The following AGAP1 variants were observed in gnomAD, a reference collection of about 807,000 sequenced individuals.
The protein encoded by AGAP1 is arf-GAP with GTPase, ANK repeat and PH domain-containing protein 1.
AGAP1 carries 29 observed loss-of-function variants against 105.3 expected under a neutral mutation model. That is an observed-to-expected ratio of 0.28 (90% CI 0.21 to 0.38). AGAP1 has a LOEUF of 0.38. AGAP1 is among the 10% of genes least tolerant of loss of function. The pLI, the probability that AGAP1 is intolerant of heterozygous loss-of-function variation, is 1.00. For missense variants in AGAP1, 998 were observed against 1,165.1 expected, an observed-to-expected ratio of 0.86 and a Z score of 2.09; for synonymous variants, 509 against 485.9, an observed-to-expected ratio of 1.05 and a Z score of -0.63.
intron 1 of AGAP1, among the ~76,000 whole-genome samples, chr2:235,653,721 G>A (rs1947684786): frequency 6.6e-6 from 1 of 152,158 alleles, no homozygotes. Flanking sequence ...TGAAGAGCCA[G>A]CCTACATGCA....
Position 236,036,871 on chromosome 2 carries a change from GAA to G in AGAP1, c.1800+157_1800+158del, listed in dbSNP as rs2057399187. 6.6e-6 allele frequency among the ~76,000 whole-genome samples: 1 copy of G among 152,212 alleles called. No individual in the cohort carries two copies. The highest frequency in any genetic ancestry group is 2.4e-5 in the African/African-American group (1 of 41,452). ...GAAAGCTCAATAACTAAAACGATCA[GAA>G]GCACTTTGTGTCTATACCATCATAC... On this transcript the variant is annotated intron_variant, in intron 14 of 17. Coordinates refer to ENST00000304032, the MANE Select transcript of AGAP1 (RefSeq NM_001037131.3). This position sits in a 1 kb window ranked among gnomAD's most constrained non-coding sequence, Gnocchi z 5.7.
At chr2:235,647,611 C>T (rs1269965547) in intron 1 of AGAP1, among the ~76,000 whole-genome samples, 1 of 152,074 alleles carries the variant, frequency 6.6e-6, no homozygotes, top group African/African-American at 2.4e-5. Flanking sequence ...TGGTCTTGAA[C>T]TCCTGAACTC....
chr2:236,126,618 C>G lies in AGAP1; in HGVS notation c.*2496C>G, dbSNP rs1323488362. ...CCAGATTGGTTTTTTCCCTTCCTGG[C>G]CCCCAGCACAAGCTGCCATGACTCC... On this transcript the variant is annotated 3_prime_UTR_variant, in exon 18 of 18. Transcript: ENST00000304032. The G allele has an allele frequency of 6.6e-6, 1 of 152,146 alleles. No individual in the cohort carries two copies. Among genetic ancestry groups the G allele is most frequent in the Non-Finnish European group, 1.5e-5 (1 of 68,028 alleles). 9.4% of individuals were successfully genotyped at this position (152,146 alleles called of 1,614,324 possible).
rs182978355 is a variant in AGAP1, at chr2:235,528,715, C to T, written c.163+33866C>T. On this transcript the variant is annotated intron_variant, in intron 1 of 17. Coordinates refer to ENST00000304032, the MANE Select transcript of AGAP1 (RefSeq NM_001037131.3). ...TTGAGAAGACGGAGTTTCGCTCTGTCGCCCAGGCTGGAGTGCAGTGGCGTG... is the reference window on the plus strand; with the variant it reads ...TTGAGAAGACGGAGTTTCGCTCTGTTGCCCAGGCTGGAGTGCAGTGGCGTG... 5.3e-5 allele frequency among the ~76,000 whole-genome samples: 8 copies of T among 152,248 alleles called. No individual in the cohort carries two copies. The East Asian group carries it at 5.8e-4, about 11-fold the overall frequency.
chr2:235,575,397 G>T (rs912031649), intron 1 of AGAP1, among the ~76,000 whole-genome samples: 6 of 152,234 alleles, frequency 3.9e-5, no homozygotes, highest in Admixed American at 1.3e-4. Context: ...GAAGAGAGTT[G>T]AAGTAGGTGA....
rs567327582 is a variant in AGAP1, at chr2:235,555,372, C to T, written c.163+60523C>T. On this transcript the variant is annotated intron_variant, in intron 1 of 17. Coordinates refer to ENST00000304032, the MANE Select transcript of AGAP1 (RefSeq NM_001037131.3). The surrounding 1 kb of genome is among the most constrained non-coding windows in gnomAD (Gnocchi z 5.1). Reference sequence around the variant, plus strand: ...GCCTGGCCACTTGCACAGGAAGATGCTCATAGATGGCTGGTTCCTGCCAGT... The same window carrying T: ...GCCTGGCCACTTGCACAGGAAGATGTTCATAGATGGCTGGTTCCTGCCAGT... 6.6e-5 allele frequency among the ~76,000 whole-genome samples: 10 copies of T among 152,288 alleles called. No individual in the cohort carries two copies. The East Asian group carries it at 1.9e-3, about 29-fold the overall frequency.
chr2:235,808,360 C>G (rs990397947), intron 9 of AGAP1, among the ~76,000 whole-genome samples: 1 of 152,192 alleles, frequency 6.6e-6, no homozygotes. Flanking sequence ...ACTGGCTGCC[C>G]TTAAAAAGGG....
rs77629877 is a variant in AGAP1, at chr2:235,569,928, C to T, written c.163+75079C>T. Reference sequence around the variant, plus strand: ...TTTAGAATGTTTATAGAATTGAACACGAAAACCAGAGTTGTATATCTAAGG... The same window carrying T: ...TTTAGAATGTTTATAGAATTGAACATGAAAACCAGAGTTGTATATCTAAGG... On this transcript the variant is annotated intron_variant, in intron 1 of 17. Transcript: ENST00000304032. This position sits in a 1 kb window ranked among gnomAD's most constrained non-coding sequence, Gnocchi z 5.9. Among the ~76,000 whole-genome samples, 366 of 152,282 alleles carry T rather than the reference C, an allele frequency of 2.4e-3. 2 individuals are homozygous for T. Among genetic ancestry groups the T allele is most frequent in the Non-Finnish European group, 4.0e-3 (273 of 68,030 alleles).
At chr2:235,774,480 A>C (rs756532523) in intron 6 of AGAP1, 6 of 404,000 alleles carry the variant, frequency 1.5e-5, no homozygotes, top group Non-Finnish European at 2.6e-5. Flanking sequence ...CCAGTAGGCT[A>C]ATGGGAAAAT....
intron 9 of AGAP1, among the ~76,000 whole-genome samples, chr2:235,820,229 T>C (rs1958714798): frequency 1.3e-5 from 2 of 152,234 alleles, no homozygotes; most frequent in African/African-American, 2.4e-5. Context: ...ATTTTGTTTG[T>C]TTAAAAGAAT....
intron 12 of AGAP1, among the ~76,000 whole-genome samples, chr2:235,944,976 AAGG>A (rs1420951646): frequency 2.0e-5 from 3 of 152,240 alleles, no homozygotes; most frequent in African/African-American, 7.2e-5. Flanking sequence ...TGTAAACCAA[AAGG>A]TTATTGATCA....
rs1429840288 is a variant in AGAP1 at position 235,981,452 on chromosome 2, C to G, written c.1645+12829C>G. Among the ~76,000 whole-genome samples the G allele has an allele frequency of 8.8e-6, 1 of 113,792 alleles. No individual in the cohort carries two copies. Among genetic ancestry groups the G allele is most frequent in the Non-Finnish European group, 1.6e-5 (1 of 60,990 alleles). 74.7% of individuals were successfully genotyped at this position (113,792 alleles called of 152,430 possible). A position where few individuals can be genotyped will look rare whatever the true frequency, so the allele number is the denominator to read the frequency against. ...TTTCTAAGTTCATGTTCCATGCGTA[C>G]ACACACACACACACACACACACGGT... On this transcript the variant is annotated intron_variant, in intron 13 of 17. Transcript: ENST00000304032. This position sits in a 1 kb window ranked among gnomAD's most constrained non-coding sequence, Gnocchi z 5.5.
intron 3 of AGAP1, among the ~76,000 whole-genome samples, chr2:235,731,771 A>G (rs1031873879): frequency 1.3e-5 from 2 of 152,208 alleles, no homozygotes; most frequent in African/African-American, 4.8e-5. Flanking sequence ...GAGGCACCAG[A>G]GGCCACAAAA....
At chr2:235,644,363 G>T (rs1431797868) in intron 1 of AGAP1, among the ~76,000 whole-genome samples, 1 of 152,174 alleles carries the variant, frequency 6.6e-6, no homozygotes, top group African/African-American at 2.4e-5. Flanking sequence ...ATGTGTGTGT[G>T]TCTGCAGGGA....
intron 1 of AGAP1, among the ~76,000 whole-genome samples, chr2:235,526,292 A>G (rs1012824905): frequency 6.6e-6 from 1 of 152,250 alleles, no homozygotes; most frequent in Admixed American, 6.5e-5. Context: ...AGCCAGATGA[A>G]TCCAGAGGCA....
At chr2:235,497,333 A>G (rs1322243467) in intron 1 of AGAP1, among the ~76,000 whole-genome samples, 1 of 152,192 alleles carries the variant, frequency 6.6e-6, no homozygotes, top group East Asian at 1.9e-4. Context: ...GGAACATCAC[A>G]GTAACTGCAG....
rs899147115 is a variant in AGAP1, at chr2:235,705,567, G to A, written c.164-3612G>A. On this transcript the variant is annotated intron_variant, in intron 1 of 17. Transcript: ENST00000304032. The surrounding 1 kb of genome is among the most constrained non-coding windows in gnomAD (Gnocchi z 4.9). ...GATAGGTCCCTGTAGTGGAGTAGGA[G>A]GAAGGACTATTTTGGTATGCATGGC... Among the ~76,000 whole-genome samples the A allele has an allele frequency of 6.6e-6, 1 of 152,224 alleles. No individual in the cohort carries two copies. The highest frequency in any genetic ancestry group is 1.5e-5 in the Non-Finnish European group (1 of 68,046).
At chr2:235,821,791 A>G (rs1958803523) in intron 9 of AGAP1, among the ~76,000 whole-genome samples, 2 of 151,940 alleles carry the variant, frequency 1.3e-5, no homozygotes, top group Non-Finnish European at 2.9e-5. Context: ...CCCTCCTTTC[A>G]CTTAATTGCT....
At chr2:235,671,911 T>TC (rs1443028795) in intron 1 of AGAP1, among the ~76,000 whole-genome samples, 5 of 152,146 alleles carry the variant, frequency 3.3e-5, no homozygotes, top group African/African-American at 1.2e-4. Context: ...AAACACAGAC[T>TC]CCATCAACTG....
Sources: allele counts gnomAD v4.1 joint callset (sites outside exome capture counted in the v4.1 genomes callset), GRCh38; gene constraint gnomAD v4.1.1; non-coding constraint Gnocchi (gnomAD v3.1); transcripts MANE v1.5; gene names NCBI Gene and HGNC (gene_info 2026-07-23, HGNC 2026-07-21).